The following TENM4 variants were observed in gnomAD, a reference collection of about 807,000 sequenced individuals.
TENM4 encodes teneurin-4.
A neutral mutation model predicts 243.3 loss-of-function variants in TENM4; 82 were observed. That is an observed-to-expected ratio of 0.34 (90% CI 0.28 to 0.40). The LOEUF is 0.40. Among genes scored for constraint, TENM4 ranks in the 10% least tolerant of loss-of-function variants. TENM4 has a pLI of 1.00. For missense variants in TENM4, 3,138 were observed against 3,673.3 expected (o/e 0.85, Z 3.77); for synonymous variants, 1,412 against 1,456.3 (o/e 0.97, Z 0.69).
At chr11:78,875,685 C>T (rs1859253082) in intron 9 of TENM4, among the ~76,000 whole-genome samples, 3 of 152,164 alleles carry the variant, frequency 2.0e-5, no homozygotes, top group South Asian at 2.1e-4. Flanking sequence ...TATCATTTAA[C>T]CTTCGTGGCC....
At chr11:78,932,360 C>T (rs1856688984) in intron 6 of TENM4, among the ~76,000 whole-genome samples, 2 of 152,204 alleles carry the variant, frequency 1.3e-5, no homozygotes, top group Non-Finnish European at 2.9e-5. Context: ...ACAGCAGATA[C>T]AGGTCACTCA....
intron 6 of TENM4, among the ~76,000 whole-genome samples, chr11:78,917,307 G>C (rs1351667754): frequency 6.6e-6 from 1 of 152,174 alleles, no homozygotes; most frequent in Non-Finnish European, 1.5e-5. Context: ...CTTCACCGAA[G>C]AGCGGCCATC....
intron 1 of TENM4, among the ~76,000 whole-genome samples, chr11:79,351,918 G>A (rs749970298): frequency 6.6e-6 from 1 of 152,076 alleles, no homozygotes; most frequent in Non-Finnish European, 1.5e-5. Flanking sequence ...CCCGTGCTGG[G>A]TGCCATGGAA....
chr11:78,729,676 G>T, intron 21 of TENM4, 33 bp from the exon 22 acceptor site: 1 of 1,569,164 alleles, frequency 6.4e-7, no homozygotes, highest in Non-Finnish European at 8.6e-7. Context: ...AGCAAGGGAC[G>T]GTCGTCGACT....
At position 79,341,332 on chromosome 11, in the gene TENM4, C is replaced by T. The variant is rs925513322; in HGVS notation, c.-320-43789G>A. ...TCTGGGATCCCTTGCAACTCCATGC[C>T]CATGCTGCAGCTCCTCATGACCAGC... On this transcript the variant is annotated intron_variant, in intron 1 of 33. Coordinates refer to ENST00000278550, the MANE Select transcript of TENM4 (RefSeq NM_001098816.3). Among the ~76,000 whole-genome samples, 5 of 152,280 alleles carry T rather than the reference C, an allele frequency of 3.3e-5. No homozygotes were observed. The East Asian group carries it at 9.6e-4, about 29-fold the overall frequency.
intron 20 of TENM4, among the ~76,000 whole-genome samples, chr11:78,737,014 G>T (rs559059211): frequency 5.3e-4 from 80 of 152,324 alleles, no homozygotes; most frequent in African/African-American, 1.8e-3. Flanking sequence ...GCCAGACTCG[G>T]TGTGTTTTAT....
chr11:78,686,980 A>G (rs1364307542), intron 29 of TENM4, among the ~76,000 whole-genome samples: 3 of 152,206 alleles, frequency 2.0e-5, no homozygotes, highest in African/African-American at 7.2e-5. Flanking sequence ...AAGGAATCCA[A>G]TAGTATTGCT....
intron 9 of TENM4, among the ~76,000 whole-genome samples, chr11:78,882,605 T>G (rs1855455575): frequency 6.6e-6 from 1 of 152,198 alleles, no homozygotes; most frequent in South Asian, 2.1e-4. Flanking sequence ...GAAGTCCAGT[T>G]TGTATGATGA....
chr11:79,196,029 T>C (rs1460069210), intron 3 of TENM4, among the ~76,000 whole-genome samples: 16 of 152,162 alleles, frequency 1.1e-4, no homozygotes, highest in Admixed American at 1.0e-3. Flanking sequence ...CTGATGGGTT[T>C]ATCAGGGGTT....
chr11:79,347,861 G>A (rs1180248721), intron 1 of TENM4, among the ~76,000 whole-genome samples: 2 of 133,810 alleles, frequency 1.5e-5, no homozygotes, highest in African/African-American at 5.6e-5. Flanking sequence ...CTCACTGCAA[G>A]CTCCGCTTCC....
intron 6 of TENM4, among the ~76,000 whole-genome samples, chr11:79,060,463 T>C (rs910565145): frequency 6.6e-6 from 1 of 152,246 alleles, no homozygotes; most frequent in Admixed American, 6.5e-5. Context: ...CTATCAATAC[T>C]GTTGACAATT....
At chr11:79,233,909 A>G (rs183571824) in intron 2 of TENM4, among the ~76,000 whole-genome samples, 51 of 152,320 alleles carry the variant, frequency 3.3e-4, no homozygotes, top group African/African-American at 1.2e-3. Flanking sequence ...CTGAAGGGTG[A>G]CATCCCTGAA....
At chr11:79,166,708 A>T (rs1862923135) in intron 3 of TENM4, among the ~76,000 whole-genome samples, 1 of 152,226 alleles carries the variant, frequency 6.6e-6, no homozygotes. Flanking sequence ...TCAATTTTGT[A>T]GTCATGCGGT....
intron 2 of TENM4, among the ~76,000 whole-genome samples, chr11:79,281,831 C>T (rs1856162316): frequency 6.6e-6 from 1 of 152,238 alleles, no homozygotes; most frequent in African/African-American, 2.4e-5. Context: ...GTTCAGACTC[C>T]TTCACAAAGC....
At chr11:78,830,073 G>A (rs576662451) in intron 12 of TENM4, among the ~76,000 whole-genome samples, 3 of 152,210 alleles carry the variant, frequency 2.0e-5, no homozygotes, top group Non-Finnish European at 4.4e-5. Context: ...TGGACGTATT[G>A]GGGCTGCTGA....
intron 4 of TENM4, among the ~76,000 whole-genome samples, chr11:79,122,816 G>A (rs902893361): frequency 6.6e-6 from 1 of 152,152 alleles, no homozygotes; most frequent in Non-Finnish European, 1.5e-5. Context: ...TTAAGGTCAG[G>A]AGAACTCTAC....
intron 32 of TENM4, among the ~76,000 whole-genome samples, chr11:78,665,258 CTTT>C (rs200038138): frequency 8.1e-5 from 10 of 123,550 alleles, no homozygotes; most frequent in Non-Finnish European, 1.6e-4. Flanking sequence ...TTTTCTTTTT[CTTT>C]TTTTTTCCTC....
rs1216508340 is a variant in TENM4 at position 78,699,218 on chromosome 11, CT to C, written c.5087+2307del. 3.3e-5 allele frequency among the ~76,000 whole-genome samples: 5 copies of C among 152,298 alleles called. No homozygotes were observed. The East Asian group carries it at 9.6e-4, about 29-fold the overall frequency. ...AGACACTGAGCTTTCCATATTTTAT[CT>C]CACTGAAATTTTGAACCTCATACTA... On this transcript the variant is annotated intron_variant, in intron 28 of 33. Transcript: ENST00000278550.
intron 6 of TENM4, among the ~76,000 whole-genome samples, chr11:78,906,261 G>A (rs568924379): frequency 3.3e-5 from 5 of 152,206 alleles, no homozygotes; most frequent in Admixed American, 1.3e-4. Flanking sequence ...AGATGAGGAC[G>A]CTGAGGCTTA....
Sources: allele counts gnomAD v4.1 joint callset (sites outside exome capture counted in the v4.1 genomes callset), GRCh38; gene constraint gnomAD v4.1.1; transcripts MANE v1.5; gene names NCBI Gene and HGNC (gene_info 2026-07-23, HGNC 2026-07-21).